ANKS1B: variants seen among roughly 807,000 people sequenced by gnomAD.
ANKS1B encodes ankyrin repeat and sterile alpha motif domain-containing protein 1B.
A neutral mutation model predicts 148.3 loss-of-function variants in ANKS1B; 36 were observed. The observed-to-expected ratio is 0.24, with a 90% CI of 0.19 to 0.32. The LOEUF is 0.32. Ranked by LOEUF, ANKS1B falls within the 10% of genes least tolerant of loss-of-function variation. ANKS1B has a pLI of 1.00. For synonymous variants in ANKS1B, 542 were observed against 560.8 expected, an observed-to-expected ratio of 0.97 and a Z score of 0.47; for missense variants, 1,157 against 1,542.6, an observed-to-expected ratio of 0.75 and a Z score of 4.19.
At chr12:99,599,878 C>G (rs2097787342) in intron 9 of ANKS1B, among the ~76,000 whole-genome samples, 1 of 150,812 alleles carries the variant, frequency 6.6e-6, no homozygotes, top group African/African-American at 2.4e-5. Flanking sequence ...ATGTATACAT[C>G]TAAATTTGAA....
At chr12:99,092,138 G>T (rs545977308) in intron 15 of ANKS1B, among the ~76,000 whole-genome samples, 1 of 152,062 alleles carries the variant, frequency 6.6e-6, no homozygotes, top group East Asian at 1.9e-4. Context: ...AGGGACCTGG[G>T]GGGTTTCTAG....
intron 12 of ANKS1B, among the ~76,000 whole-genome samples, chr12:99,263,081 CT>C (rs1230090842): frequency 6.6e-6 from 1 of 151,954 alleles, no homozygotes; most frequent in Non-Finnish European, 1.5e-5. Flanking sequence ...CCATAATACT[CT>C]GGGGTATTAT....
At chr12:99,504,707 C>A in intron 9 of ANKS1B, 66 bp from the exon 10 acceptor site, 1 of 1,230,980 alleles carries the variant, frequency 8.1e-7, no homozygotes, top group African/African-American at 1.5e-5. Context: ...TTTATAAAAA[C>A]TAGAAAAGAT....
chr12:99,234,855 C>T (rs2087589043), intron 14 of ANKS1B, among the ~76,000 whole-genome samples: 1 of 152,082 alleles, frequency 6.6e-6, no homozygotes, highest in South Asian at 2.1e-4. Context: ...GTTTATCACA[C>T]CTCTAATTAA....
At position 99,660,721 on chromosome 12, in the gene ANKS1B, G is replaced by T. The variant is rs538470839; in HGVS notation, c.1129-5511C>A. On this transcript the variant is annotated intron_variant, in intron 8 of 26. Transcript: ENST00000683438. ...ACCTGTTCACAGTGATCAGAGAAAT[G>T]TTTTTTCATATGAGAATGTGATCAT... is the stretch of plus-strand genomic sequence containing the variant. Among the ~76,000 whole-genome samples the T allele has an allele frequency of 2.0e-5, 3 of 152,170 alleles. No individual in the cohort carries two copies. The East Asian group carries it at 5.8e-4, about 29-fold the overall frequency.
At chr12:99,397,454 A>G (rs1461032747) in intron 12 of ANKS1B, among the ~76,000 whole-genome samples, 4 of 152,170 alleles carry the variant, frequency 2.6e-5, no homozygotes, top group Non-Finnish European at 4.4e-5. Context: ...TAGAAAGACG[A>G]CAAGAAATAA....
chr12:99,858,380 G>A (rs1478054152), intron 1 of ANKS1B, among the ~76,000 whole-genome samples: 4 of 152,080 alleles, frequency 2.6e-5, no homozygotes, highest in African/African-American at 9.7e-5. Flanking sequence ...AATAATAGAT[G>A]GTGGTGTGGA....
intron 1 of ANKS1B, among the ~76,000 whole-genome samples, chr12:99,913,853 A>G (rs914225863): frequency 6.6e-6 from 1 of 152,180 alleles, no homozygotes. Context: ...CAAGTAAAAA[A>G]AAATTTATGA....
intron 1 of ANKS1B, among the ~76,000 whole-genome samples, chr12:99,942,242 T>G (rs2094938293): frequency 1.3e-5 from 2 of 151,944 alleles, no homozygotes; most frequent in Admixed American, 1.3e-4. Context: ...AGGACAACAA[T>G]AAGTGTTTCC....
intron 17 of ANKS1B, among the ~76,000 whole-genome samples, chr12:99,000,723 A>T (rs1489184927): frequency 6.6e-6 from 1 of 152,164 alleles, no homozygotes; most frequent in African/African-American, 2.4e-5. Context: ...TGCATAACTG[A>T]AACTTCACCC....
intron 12 of ANKS1B, among the ~76,000 whole-genome samples, chr12:99,312,819 T>C (rs1398770857): frequency 2.0e-5 from 3 of 151,932 alleles, no homozygotes; most frequent in Non-Finnish European, 2.9e-5. Context: ...ATTAGAAAGC[T>C]AGAAAGATCT....
chr12:99,446,257 A>G (rs754585608), intron 10 of ANKS1B, among the ~76,000 whole-genome samples: 1 of 152,040 alleles, frequency 6.6e-6, no homozygotes, highest in Non-Finnish European at 1.5e-5. Flanking sequence ...GCACAGTTGA[A>G]GCTGTTATTT....
chr12:99,984,366 A>T lies in ANKS1B; in HGVS notation c.-129T>A. The T allele has an allele frequency of 1.3e-5, 7 of 530,588 alleles. No individual in the cohort carries two copies. The highest frequency in any genetic ancestry group is 4.8e-5 in the East Asian group (1 of 20,800). 32.9% of individuals were successfully genotyped at this position (530,588 alleles called of 1,614,324 possible). ...ATAATGCAAGAGCTTCAGCACGGAG[A>T]GCTCCCTGCAGCCCCAGGCAGGGAG... On this transcript the variant is annotated 5_prime_UTR_variant, in exon 1 of 27. Transcript: ENST00000683438.
At chr12:99,369,788 A>AGATAGATAGATAGATG (rs770146685) in intron 12 of ANKS1B, among the ~76,000 whole-genome samples, 5 of 103,834 alleles carry the variant, frequency 4.8e-5, no homozygotes, top group African/African-American at 1.7e-4. Flanking sequence ...ATAGATAGAT[A>AGATAGATAGATAGATG]GATGGACGGA....
chr12:98,747,933 A>G (rs1565976851), intron 26 of ANKS1B, among the ~76,000 whole-genome samples: 1 of 152,204 alleles, frequency 6.6e-6, no homozygotes, highest in Non-Finnish European at 1.5e-5. Context: ...AATGGTGGTT[A>G]CCAGAGGCTG....
Position 99,249,314 on chromosome 12 carries a change from G to A in ANKS1B, c.1757-2450C>T, listed in dbSNP as rs558587515. ...CTAGAAAAATGAGAATTTTAGGGGCGTAATATTATTTAAAGTTTTCTGCAA... is the reference window on the plus strand; with the variant it reads ...CTAGAAAAATGAGAATTTTAGGGGCATAATATTATTTAAAGTTTTCTGCAA... On this transcript the variant is annotated intron_variant, in intron 12 of 26. Coordinates refer to ENST00000683438, the MANE Select transcript of ANKS1B (RefSeq NM_001352186.2). 2.6e-5 allele frequency among the ~76,000 whole-genome samples: 4 copies of A among 152,170 alleles called. 1 individual carries two copies. The highest frequency in any genetic ancestry group is 7.2e-5 in the African/African-American group (3 of 41,534).
chr12:99,532,909 A>G (rs2097016496), intron 9 of ANKS1B, among the ~76,000 whole-genome samples: 1 of 152,028 alleles, frequency 6.6e-6, no homozygotes, highest in Non-Finnish European at 1.5e-5. Context: ...GTACCATGTT[A>G]TTTTGGTTAC....
chr12:99,131,826 C>T (rs1347247058), intron 15 of ANKS1B, among the ~76,000 whole-genome samples: 1 of 152,210 alleles, frequency 6.6e-6, no homozygotes, highest in African/African-American at 2.4e-5. Flanking sequence ...AGGGGGCCGC[C>T]TACTCAGCCT....
chr12:98,936,638 C>T (rs1036238087), intron 17 of ANKS1B, among the ~76,000 whole-genome samples: 3 of 151,696 alleles, frequency 2.0e-5, no homozygotes, highest in Admixed American at 2.0e-4. Flanking sequence ...AAAAAAAGAA[C>T]AATTAATTCT....
Sources: gnomAD v4.1 joint callset for allele counts (sites outside exome capture counted in the v4.1 genomes callset) on GRCh38, gnomAD v4.1.1 for gene constraint, MANE v1.5 for transcripts, NCBI Gene and HGNC (gene_info 2026-07-23, HGNC 2026-07-21) for gene names.